PKHD1: variants seen among roughly 807,000 people sequenced by gnomAD.
PKHD1 encodes the protein fibrocystin.
In PKHD1, 291 loss-of-function variants were observed where a neutral mutation model predicts 412.0. The observed-to-expected ratio is 0.71, with a 90% CI of 0.64 to 0.78. The LOEUF (loss-of-function observed/expected upper bound fraction) is 0.78, where lower values mean the gene tolerates loss of function less well. PKHD1 is among the 30% of genes least tolerant of loss of function. The probability of loss-of-function intolerance (pLI) is 0.00; values close to 1 mark genes in which losing one functional copy is unlikely to be tolerated. For missense variants in PKHD1, 4,825 were observed against 4,950.7 expected, an observed-to-expected ratio of 0.97 and a Z score of 0.76; for synonymous variants, 1,777 against 1,821.5, an observed-to-expected ratio of 0.98 and a Z score of 0.62.
At chr6:51,744,186 C>T (rs535747329) in intron 60 of PKHD1, among the ~76,000 whole-genome samples, 199 bp downstream of exon 60, 26 of 150,060 alleles carry the variant, frequency 1.7e-4, no homozygotes, top group African/African-American at 2.7e-4. Flanking sequence ...TCATAGAGGG[C>T]ACAGCAGTAA....
chr6:51,721,612 C>T (rs1781935539), intron 60 of PKHD1: 2 of 1,073,254 alleles, frequency 1.9e-6, no homozygotes, highest in African/African-American at 1.7e-5. Flanking sequence ...GTACCCCAAA[C>T]TCACTAAAGG....
intron 50 of PKHD1, among the ~76,000 whole-genome samples, chr6:51,847,385 T>C (rs933488188): frequency 6.7e-6 from 1 of 148,774 alleles, no homozygotes; most frequent in African/African-American, 2.5e-5. Context: ...TACAAACAAA[T>C]ATGACACTGC....
In PKHD1 at chr6:51,897,525, G is replaced by T. The variant is rs1213062333; in HGVS notation, c.6996+6072C>A. The stretch of plus-strand genomic sequence containing the variant: ...GCTCCTGAAGGAAGCACTAAACATG[G>T]AATGGAACAACCGGTACCAGCCACT... On this transcript the variant is annotated intron_variant, in intron 43 of 66. Transcript: ENST00000371117. Among the ~76,000 whole-genome samples the T allele has an allele frequency of 1.4e-5, 2 of 146,594 alleles. 1 individual carries two copies. The highest frequency in any genetic ancestry group is 5.2e-5 in the African/African-American group (2 of 38,658).
chr6:51,689,015 A>T (rs1777815157), intron 60 of PKHD1, among the ~76,000 whole-genome samples: 1 of 152,178 alleles, frequency 6.6e-6, no homozygotes, highest in Non-Finnish European at 1.5e-5. Context: ...CATCATCCTG[A>T]TACCAAAACC....
intron 43 of PKHD1, among the ~76,000 whole-genome samples, chr6:51,896,127 A>C (rs1462017447): frequency 6.6e-6 from 1 of 152,168 alleles, no homozygotes; most frequent in Non-Finnish European, 1.5e-5. Flanking sequence ...GCTTAGGTAA[A>C]CAAAGCAGCC....
chr6:51,630,795 T>C (rs1347744979), intron 65 of PKHD1, among the ~76,000 whole-genome samples: 1 of 152,152 alleles, frequency 6.6e-6, no homozygotes, highest in Non-Finnish European at 1.5e-5. Flanking sequence ...AAAATACAAA[T>C]CACTTATACA....
chr6:51,753,140 TG>T, intron 57 of PKHD1, 60 bp downstream of exon 57: 1 of 1,421,238 alleles, frequency 7.0e-7, no homozygotes, highest in Non-Finnish European at 9.9e-7. Flanking sequence ...TTGGGATTTC[TG>T]GGTGTCCCAG....
At chr6:51,909,058 G>C (rs1187121031) in intron 40 of PKHD1, among the ~76,000 whole-genome samples, 4 of 152,084 alleles carry the variant, frequency 2.6e-5, no homozygotes, top group Non-Finnish European at 4.4e-5. Context: ...GCCTACCTTA[G>C]ACCAGAATTT....
intron 66 of PKHD1, among the ~76,000 whole-genome samples, chr6:51,623,762 T>C (rs758792691): frequency 5.9e-5 from 9 of 152,226 alleles, no homozygotes; most frequent in Non-Finnish European, 1.2e-4. Flanking sequence ...TTTTTCTGTA[T>C]TTTTAGTAGA....
intron 66 of PKHD1, among the ~76,000 whole-genome samples, chr6:51,626,153 C>T (rs1346358433): frequency 1.3e-5 from 2 of 152,040 alleles, no homozygotes; most frequent in African/African-American, 2.4e-5. Context: ...CATGAAAGAT[C>T]TCACTCAGCT....
At chr6:51,705,865 A>T (rs945244401) in intron 60 of PKHD1, among the ~76,000 whole-genome samples, 10 of 152,172 alleles carry the variant, frequency 6.6e-5, no homozygotes, top group Admixed American at 5.9e-4. Context: ...ATTGTGATTA[A>T]TCACAGGTGC....
intron 6 of PKHD1, 152 bp downstream of exon 6, chr6:52,076,124 T>C: frequency 2.9e-6 from 2 of 680,462 alleles, no homozygotes; most frequent in Non-Finnish European, 2.7e-6. Context: ...CCAAAGCACG[T>C]TAAAAATGAA....
chr6:51,772,853 TA>T (rs1364218283), intron 54 of PKHD1, 64 bp from the exon 55 acceptor site: 1 of 892,610 alleles, frequency 1.1e-6, no homozygotes, highest in Non-Finnish European at 1.9e-6. Context: ...GCCAGGTAAG[TA>T]AAAGTCATTC....
rs1485399771 is a variant in PKHD1 at position 51,871,821 on chromosome 6, G to A, written c.7351-1182C>T. Among the ~76,000 whole-genome samples the A allele has an allele frequency of 1.7e-5, 2 of 117,936 alleles. 1 individual carries two copies. The highest frequency in any genetic ancestry group is 4.2e-5 in the Non-Finnish European group (2 of 47,694). The allele number at this position is 117,936 out of a possible 152,430, so 77.4% of individuals were successfully genotyped here. On this transcript the variant is annotated intron_variant, in intron 46 of 66. Transcript: ENST00000371117. ...TGTTAAAAATAGTCTTACATTTGAGGATTACCAGAATTTTTGCAATCACTC... is the reference window on the plus strand; with the variant it reads ...TGTTAAAAATAGTCTTACATTTGAGAATTACCAGAATTTTTGCAATCACTC...
chr6:51,934,075 C>G, intron 37 of PKHD1, 35 bp downstream of exon 37: 5 of 1,494,400 alleles, frequency 3.3e-6, no homozygotes, highest in Non-Finnish European at 4.7e-6. Context: ...AGACACAGCT[C>G]TACTTCATTT....
intron 50 of PKHD1, among the ~76,000 whole-genome samples, chr6:51,836,758 G>A (rs1410450580): frequency 6.6e-6 from 1 of 152,186 alleles, no homozygotes; most frequent in African/African-American, 2.4e-5. Flanking sequence ...TTCTAAGGAA[G>A]CCAATGGTGT....
intron 60 of PKHD1, among the ~76,000 whole-genome samples, chr6:51,698,662 G>A (rs972690816): frequency 1.3e-5 from 2 of 152,064 alleles, no homozygotes; most frequent in Non-Finnish European, 2.9e-5. Flanking sequence ...AATCTCAGCA[G>A]TAAGAAAATA....
At chr6:51,953,959 A>G (rs183793522) in intron 36 of PKHD1, among the ~76,000 whole-genome samples, 2 of 152,224 alleles carry the variant, frequency 1.3e-5, no homozygotes. Context: ...AAACACTTCA[A>G]TATGCATTCT....
At chr6:52,078,135 C>T (rs1811573778) in intron 5 of PKHD1, among the ~76,000 whole-genome samples, 1 of 152,114 alleles carries the variant, frequency 6.6e-6, no homozygotes, top group African/African-American at 2.4e-5. Flanking sequence ...CTTTATTACT[C>T]CCTCCCAGCT....
Sources: gnomAD v4.1 joint callset for allele counts (sites outside exome capture counted in the v4.1 genomes callset) on GRCh38, gnomAD v4.1.1 for gene constraint, MANE v1.5 for transcripts, NCBI Gene and HGNC (gene_info 2026-07-23, HGNC 2026-07-21) for gene names.